The following FBLN7 variants were observed in gnomAD, a reference collection of about 807,000 sequenced individuals.
FBLN7 encodes the protein fibulin 7, also known as fibulin-7.
FBLN7 carries 31 observed loss-of-function variants against 44.0 expected under a neutral mutation model. The ratio of observed to expected loss-of-function variants is 0.70; its 90% CI spans 0.53 to 0.95. FBLN7 has a LOEUF of 0.95. Ranked by LOEUF, FBLN7 falls within the 40% of genes least tolerant of loss-of-function variation. The pLI is 0.00. For synonymous variants in FBLN7, 262 were observed against 253.4 expected, an observed-to-expected ratio of 1.03 and a Z score of -0.32; for missense variants, 573 against 618.5, an observed-to-expected ratio of 0.93 and a Z score of 0.78.
chr2:112,238,307 A>G, the FBLN7 span: 4 of 1,610,088 alleles, frequency 2.5e-6, no homozygotes, highest in Non-Finnish European at 2.5e-6. Flanking sequence ...AAATAGTTTG[A>G]CTCTTACCCT....
At position 112,147,546 on chromosome 2, in the gene FBLN7, T is replaced by C. The variant is rs192295081; in HGVS notation, c.75+8816T>C. On this transcript the variant is annotated intron_variant, in intron 1 of 7. Coordinates refer to ENST00000331203, the MANE Select transcript of FBLN7 (RefSeq NM_153214.3). ...CCAGGATCTCCTTCCCAGTCAGTGT[T>C]CTGCCAGGGCTGCTTGTCCCTGGAG... 9.8e-4 allele frequency among the ~76,000 whole-genome samples: 149 copies of C among 152,314 alleles called. 1 individual carries two copies. The highest frequency in any genetic ancestry group is 3.4e-3 in the African/African-American group (142 of 41,586).
At chr2:112,223,101 G>A in the FBLN7 span, among the ~76,000 whole-genome samples, 14 of 151,930 alleles carry the variant, frequency 9.2e-5, no homozygotes, top group East Asian at 1.9e-4. Flanking sequence ...ACACACTGGG[G>A]CCTGTCGTGG....
the FBLN7 span, among the ~76,000 whole-genome samples, chr2:112,201,555 G>A: frequency 6.6e-6 from 1 of 152,094 alleles, no homozygotes; most frequent in East Asian, 1.9e-4. Flanking sequence ...GTAGGTGTAG[G>A]ACACATCCCA....
At chr2:112,180,855 A>T (rs1030531616) in intron 4 of FBLN7, among the ~76,000 whole-genome samples, 3 of 136,596 alleles carry the variant, frequency 2.2e-5, no homozygotes, top group African/African-American at 8.4e-5. Context: ...CCCGGGAGGC[A>T]GAGCTCGCAG....
downstream of FBLN7, among the ~76,000 whole-genome samples, chr2:112,191,925 A>C (rs558968546): frequency 2.6e-5 from 4 of 152,142 alleles, no homozygotes; most frequent in Non-Finnish European, 5.9e-5. Flanking sequence ...GGTTCCCTCC[A>C]CCCTATTTCC....
At chr2:112,233,046 G>A in the FBLN7 span, among the ~76,000 whole-genome samples, 5 of 152,140 alleles carry the variant, frequency 3.3e-5, no homozygotes, top group African/African-American at 4.8e-5. Context: ...CCCAGGTTGA[G>A]CAGAAAGAAT....
intron 4 of FBLN7, among the ~76,000 whole-genome samples, chr2:112,178,479 G>T (rs1194041002): frequency 6.6e-6 from 1 of 152,164 alleles, no homozygotes; most frequent in African/African-American, 2.4e-5. Flanking sequence ...TGAGGAGGAT[G>T]GACCTCTCCC....
At chr2:112,164,976 G>A (rs199760387) in intron 2 of FBLN7, 25 bp from the exon 3 acceptor site, 157 of 1,610,002 alleles carry the variant, frequency 9.8e-5, no homozygotes, top group African/African-American at 7.7e-4. Context: ...TGAGGAGCTC[G>A]TAATCCTTCC....
chr2:112,184,791 A>G (rs1683178732), intron 6 of FBLN7, among the ~76,000 whole-genome samples: 1 of 129,566 alleles, frequency 7.7e-6, no homozygotes, highest in Admixed American at 8.0e-5. Context: ...GTGTGTGTAT[A>G]TATATACCAT....
the FBLN7 span, among the ~76,000 whole-genome samples, chr2:112,217,807 C>T: frequency 6.6e-6 from 1 of 152,156 alleles, no homozygotes; most frequent in Non-Finnish European, 1.5e-5. Flanking sequence ...GTGACAGGGT[C>T]ACTCTGTTCA....
intron 1 of FBLN7, among the ~76,000 whole-genome samples, chr2:112,153,933 C>T (rs1681290836): frequency 6.6e-6 from 1 of 152,196 alleles, no homozygotes; most frequent in Admixed American, 6.5e-5. Flanking sequence ...CTTCCAAGAG[C>T]CTTAAAACCA....
the FBLN7 span, chr2:112,238,285 C>T: frequency 1.2e-6 from 2 of 1,601,730 alleles, no homozygotes; most frequent in Non-Finnish European, 1.7e-6. Flanking sequence ...TCTAGATAAA[C>T]TTTAAATGAT....
chr2:112,202,422 G>T, the FBLN7 span, among the ~76,000 whole-genome samples: 1 of 151,134 alleles, frequency 6.6e-6, no homozygotes, highest in South Asian at 2.1e-4. Context: ...ATATAGATAT[G>T]AAATATATTT....
the FBLN7 span, among the ~76,000 whole-genome samples, chr2:112,219,281 C>T: frequency 6.6e-6 from 1 of 152,062 alleles, no homozygotes; most frequent in Non-Finnish European, 1.5e-5. Flanking sequence ...GAAATAAACC[C>T]TCACGTCTAT....
At chr2:112,234,360 A>C in the FBLN7 span, 20 of 679,868 alleles carry the variant, frequency 2.9e-5, no homozygotes, top group East Asian at 6.1e-4. Context: ...ATTGGCCTTC[A>C]TATGTAAAAT....
At chr2:112,184,133 T>G (rs1683131211) in intron 6 of FBLN7, among the ~76,000 whole-genome samples, 1 of 152,196 alleles carries the variant, frequency 6.6e-6, no homozygotes, top group African/African-American at 2.4e-5. Flanking sequence ...TTCGGGGGGC[T>G]GGTTCTGCTC....
chr2:112,220,553 G>A, the FBLN7 span, among the ~76,000 whole-genome samples: 3 of 152,148 alleles, frequency 2.0e-5, no homozygotes, highest in African/African-American at 7.2e-5. Context: ...TGGGCGCGGT[G>A]GCTCACACCT....
chr2:112,218,564 T>C, the FBLN7 span, among the ~76,000 whole-genome samples: 7 of 152,160 alleles, frequency 4.6e-5, no homozygotes, highest in Admixed American at 1.3e-4. Flanking sequence ...CCAAAAAGAA[T>C]AGAATACGGT....
chr2:112,195,969 C>A, the FBLN7 span, among the ~76,000 whole-genome samples: 1 of 152,164 alleles, frequency 6.6e-6, no homozygotes, highest in Non-Finnish European at 1.5e-5. Context: ...TCACTGAGAC[C>A]AGTGGTGGCT....
Sources: gnomAD v4.1 joint callset for allele counts (sites outside exome capture counted in the v4.1 genomes callset) on GRCh38, gnomAD v4.1.1 for gene constraint, MANE v1.5 for transcripts, NCBI Gene and HGNC (gene_info 2026-07-23, HGNC 2026-07-21) for gene names.